The following CEP85L variants were observed in gnomAD, a reference collection of about 807,000 sequenced individuals.
CEP85L encodes the protein centrosomal protein of 85 kDa-like.
Under a neutral mutation model 100.3 loss-of-function variants are expected in CEP85L, and 60 were observed. The observed-to-expected ratio is 0.60, with a 90% CI of 0.49 to 0.74. CEP85L has a LOEUF of 0.74. Ranked by LOEUF, CEP85L falls within the 30% of genes least tolerant of loss-of-function variation. The pLI, the probability that CEP85L is intolerant of heterozygous loss-of-function variation, is 0.00. For synonymous variants in CEP85L, 319 were observed against 322.7 expected (o/e 0.99, Z 0.12); for missense variants, 973 against 936.2 (o/e 1.04, Z -0.51).
chr6:118,471,994 A>G (rs936998865), intron 10 of CEP85L, among the ~76,000 whole-genome samples: 8 of 151,948 alleles, frequency 5.3e-5, no homozygotes, highest in Non-Finnish European at 1.2e-4. Context: ...ACGGTTTATT[A>G]GAATTACAGA....
intron 2 of CEP85L, among the ~76,000 whole-genome samples, chr6:118,630,065 G>A (rs1414514226): frequency 1.3e-5 from 2 of 152,096 alleles, no homozygotes; most frequent in African/African-American, 4.8e-5. Context: ...GCAGTTTATG[G>A]ACTTCTTCCC....
chr6:118,508,396 TAAGTA>T (rs977511981), intron 5 of CEP85L, among the ~76,000 whole-genome samples: 47 of 152,200 alleles, frequency 3.1e-4, no homozygotes, highest in African/African-American at 1.1e-3. Flanking sequence ...TTCTCCAATT[TAAGTA>T]AAGAAAAAGG....
At chr6:118,709,239 ACT>A (rs1182161311) in intron 1 of CEP85L, among the ~76,000 whole-genome samples, 2 of 152,072 alleles carry the variant, frequency 1.3e-5, no homozygotes, top group Non-Finnish European at 2.9e-5. Flanking sequence ...GCCTGGCTTT[ACT>A]CCCACATCAA....
At chr6:118,568,951 T>TA (rs993744675) in intron 2 of CEP85L, among the ~76,000 whole-genome samples, 6 of 151,606 alleles carry the variant, frequency 4.0e-5, no homozygotes, top group Admixed American at 2.0e-4. Context: ...ATCTTTAAAT[T>TA]AAAAAAAATA....
intron 6 of CEP85L, among the ~76,000 whole-genome samples, chr6:118,490,002 C>G (rs1774450434): frequency 6.6e-6 from 1 of 152,002 alleles, no homozygotes; most frequent in Non-Finnish European, 1.5e-5. Flanking sequence ...CACACGCACA[C>G]ACACACACAA....
Position 118,517,644 on chromosome 6 carries a change from C to T in CEP85L, c.1139+6158G>A, listed in dbSNP as rs149585650. 2.2e-4 allele frequency among the ~76,000 whole-genome samples: 34 copies of T among 152,254 alleles called. No individual in the cohort carries two copies. The East Asian group carries it at 5.6e-3, about 25-fold the overall frequency. On this transcript the variant is annotated intron_variant, in intron 4 of 12. Transcript: ENST00000368491. The stretch of plus-strand genomic sequence containing the variant: ...GGCTCAAGGAGATTTTGGGCTGAGA[C>T]GACGCAGGTTTCTAAATATACAATC...
chr6:118,498,180 A>C (rs1180425665), intron 5 of CEP85L, among the ~76,000 whole-genome samples: 1 of 152,148 alleles, frequency 6.6e-6, no homozygotes, highest in African/African-American at 2.4e-5. Context: ...AAAGAGAAAA[A>C]TTGATTAATA....
chr6:118,709,227 C>A (rs1013098476), intron 1 of CEP85L, among the ~76,000 whole-genome samples: 3 of 152,150 alleles, frequency 2.0e-5, no homozygotes, highest in Admixed American at 6.6e-5. Flanking sequence ...AGTCTAAGTG[C>A]TGCCTGGCTT....
At chr6:118,613,173 T>G (rs763605390) in intron 2 of CEP85L, among the ~76,000 whole-genome samples, 2 of 151,986 alleles carry the variant, frequency 1.3e-5, no homozygotes, top group Non-Finnish European at 2.9e-5. Context: ...ATCGCGCCAC[T>G]GTACTCCAGC....
Position 118,481,946 on chromosome 6 carries a change from G to C in CEP85L, c.1591-13C>G. 2 of 1,474,198 alleles carry C rather than the reference G, an allele frequency of 1.4e-6. No individual in the cohort carries two copies. Among genetic ancestry groups the C allele is most frequent in the South Asian group, 1.4e-5 (1 of 72,122 alleles). The allele number at this position is 1,474,198 out of a possible 1,614,324, so 91.3% of individuals were successfully genotyped here. On this transcript the variant is annotated splice_polypyrimidine_tract_variant and intron_variant, in intron 7 of 12. Transcript: ENST00000368491. Reference sequence around the variant, plus strand: ...CCAGAATCTGCAGCTAAGGAGAAATGTTTTACAGTTCATTACACATGAAAT... The same window carrying C: ...CCAGAATCTGCAGCTAAGGAGAAATCTTTTACAGTTCATTACACATGAAAT...
At chr6:118,608,456 C>T (rs1264208383) in intron 2 of CEP85L, among the ~76,000 whole-genome samples, 1 of 151,834 alleles carries the variant, frequency 6.6e-6, no homozygotes, top group Non-Finnish European at 1.5e-5. Flanking sequence ...GATCGCACCA[C>T]TGCACTCCAG....
At chr6:118,633,994 C>T (rs1360175649) in intron 1 of CEP85L, among the ~76,000 whole-genome samples, 7 of 152,208 alleles carry the variant, frequency 4.6e-5, no homozygotes, top group African/African-American at 2.4e-5. Context: ...AATTTCAATG[C>T]TCCCGTATCT....
At chr6:118,523,659 G>A (rs1429915119) in intron 4 of CEP85L, 143 bp downstream of exon 4, 1 of 466,412 alleles carries the variant, frequency 2.1e-6, no homozygotes, top group African/African-American at 2.0e-5. Context: ...AAAGGATTGG[G>A]ATTGAGGAGG....
At chr6:118,696,329 C>T (rs1475093082) in intron 1 of CEP85L, among the ~76,000 whole-genome samples, 10 of 151,580 alleles carry the variant, frequency 6.6e-5, no homozygotes. Context: ...AATCCAAATC[C>T]AGAATAAGTA....
intron 5 of CEP85L, among the ~76,000 whole-genome samples, chr6:118,507,814 G>T (rs974355177): frequency 2.0e-5 from 3 of 152,100 alleles, no homozygotes; most frequent in Admixed American, 1.3e-4. Context: ...CAGGAAGCCT[G>T]GCCAGGCTTT....
At chr6:118,701,702 A>G (rs1430844277) in intron 1 of CEP85L, among the ~76,000 whole-genome samples, 1 of 152,192 alleles carries the variant, frequency 6.6e-6, no homozygotes, top group African/African-American at 2.4e-5. Context: ...GGGATCAATT[A>G]TACCCCAAAC....
chr6:118,613,640 C>T (rs1772805911), intron 2 of CEP85L, among the ~76,000 whole-genome samples: 1 of 151,446 alleles, frequency 6.6e-6, no homozygotes, highest in Non-Finnish European at 1.5e-5. Flanking sequence ...ACCTATAATC[C>T]CAGCTACTCG....
intron 2 of CEP85L, among the ~76,000 whole-genome samples, chr6:118,611,334 A>G (rs570156306): frequency 1.8e-4 from 27 of 152,322 alleles, no homozygotes; most frequent in African/African-American, 6.5e-4. Flanking sequence ...ATATACCAAG[A>G]GCAATGTATA....
intron 1 of CEP85L, among the ~76,000 whole-genome samples, chr6:118,702,085 G>A (rs73515256): frequency 0.012 from 1,760 of 151,724 alleles, 42 homozygotes; most frequent in African/African-American, 0.04. Flanking sequence ...TTTACTCTCC[G>A]TAGATAGCTC....
Sources: allele counts gnomAD v4.1 joint callset (sites outside exome capture counted in the v4.1 genomes callset), GRCh38; gene constraint gnomAD v4.1.1; transcripts MANE v1.5; gene names NCBI Gene and HGNC (gene_info 2026-07-23, HGNC 2026-07-21).